The following SNX1 variants were observed in gnomAD, a reference collection of about 807,000 sequenced individuals.
SNX1 encodes sorting nexin 1.
Under a neutral mutation model 71.8 loss-of-function variants are expected in SNX1, and 36 were observed. That is an observed-to-expected ratio of 0.50 (90% confidence interval 0.38 to 0.66). The LOEUF (loss-of-function observed/expected upper bound fraction) is 0.66. Among genes scored for constraint, SNX1 ranks in the 30% least tolerant of loss-of-function variants. The pLI, the probability that SNX1 is intolerant of heterozygous loss-of-function variation, is 0.00. For synonymous variants in SNX1, 254 were observed against 240.7 expected (o/e 1.06, Z -0.51); for missense variants, 612 against 646.7 (o/e 0.95, Z 0.58).
chr15:64,128,792 C>G (rs2081278355), intron 8 of SNX1, among the ~76,000 whole-genome samples: 1 of 152,130 alleles, frequency 6.6e-6, no homozygotes, highest in African/African-American at 2.4e-5. Context: ...TCAGATAGTT[C>G]TTTGTTGTAG....
intron 11 of SNX1, 63 bp downstream of exon 11, chr15:64,131,955 C>T (rs73448948): frequency 1.9e-6 from 3 of 1,554,090 alleles, no homozygotes; most frequent in African/African-American, 2.7e-5. Flanking sequence ...TTTGCTGGTC[C>T]CCTTCCCAAG....
In SNX1 at chr15:64,124,147, C is replaced by CATATGTATATATAT. The variant is rs1222104314; in HGVS notation, c.510+605_510+606insGTATATATATATAT. On this transcript the variant is annotated intron_variant, in intron 5 of 14. Coordinates refer to ENST00000559844, the MANE Select transcript of SNX1 (RefSeq NM_003099.5). ...TCATTTCCTTTATAAGAAATCTTTA[C>CATATGTATATATAT]ATATATATATATATATATATATATA... Among the ~76,000 whole-genome samples, 159 of 105,410 alleles carry CATATGTATATATAT rather than the reference C, an allele frequency of 1.5e-3. 1 individual carries two copies. The highest frequency in any genetic ancestry group is 2.0e-3 in the Non-Finnish European group (120 of 60,500). The allele number at this position is 105,410 out of a possible 152,430, so 69.2% of individuals were successfully genotyped here.
rs1001969546 is a variant in SNX1, at chr15:64,141,422, G to T, written c.*3804G>T. On this transcript the variant is annotated 3_prime_UTR_variant, in exon 15 of 15. Coordinates refer to ENST00000559844, the MANE Select transcript of SNX1 (RefSeq NM_003099.5). This position sits in a 1 kb window ranked among gnomAD's most constrained non-coding sequence, Gnocchi z 5.1. ...CAAGTAGGCCAGTAGTGGGTTAGGG[G>T]TACTGAGCCAGAAGCCTCTACAAGG... 1.3e-5 allele frequency: 2 copies of T among 152,270 alleles called. No individual in the cohort carries two copies. The highest frequency in any genetic ancestry group is 4.8e-5 in the African/African-American group (2 of 41,456). 9.4% of individuals were successfully genotyped at this position (152,270 alleles called of 1,614,324 possible). A position where few individuals can be genotyped will look rare whatever the true frequency, so the allele number is the denominator to read the frequency against.
Position 64,129,953 on chromosome 15 carries a change from C to G in SNX1, c.845C>G (p.Ala282Gly). The G allele has an allele frequency of 6.2e-7, 1 of 1,614,112 alleles. No homozygotes were observed. Among genetic ancestry groups the G allele is most frequent in the Non-Finnish European group, 8.5e-7 (1 of 1,180,014 alleles). Residue 282 changes from alanine (A) to glycine (G), a missense_variant, in exon 9 of 15, where the codon GCT becomes GGT. Coordinates refer to ENST00000559844, the MANE Select transcript of SNX1 (RefSeq NM_003099.5). The surrounding 1 kb of genome is among the most constrained non-coding windows in gnomAD (Gnocchi z 4.4). ...RAVGTQTLSG[A>G]GLLKMFNKAT... is the part of the protein sequence containing the mutation. The stretch of plus-strand genomic sequence containing the variant: ...GTGGGTACCCAGACATTGAGTGGTG[C>G]TGGTCTCCTCAAGATGTTCAACAAA...
rs2080896807 is a variant in SNX1, at chr15:64,096,113, C to A, written c.100C>A (p.Pro34Thr). The A allele has an allele frequency of 6.4e-7, 1 of 1,561,238 alleles. No individual in the cohort carries two copies. Among genetic ancestry groups the A allele is most frequent in the South Asian group, 1.2e-5 (1 of 84,968 alleles). Residue 34 changes from proline to threonine, a missense_variant, in exon 1 of 15, where the codon CCC becomes ACC. Transcript: ENST00000559844. Reference sequence around the variant, plus strand: ...CGAGGGGGCGGCCGGGGGATCAGAACCCGAGGCTGGGGACAGCGACACCGA... The same window carrying A: ...CGAGGGGGCGGCCGGGGGATCAGAAACCGAGGCTGGGGACAGCGACACCGA... ...ESEGAAGGSE[P>T]EAGDSDTEGE...
intron 1 of SNX1, among the ~76,000 whole-genome samples, chr15:64,102,156 T>A (rs149821709): frequency 8.5e-5 from 13 of 152,372 alleles, no homozygotes; most frequent in African/African-American, 3.1e-4. Flanking sequence ...TGAATTTTAT[T>A]ATTTTTTGAC....
Position 64,129,941 on chromosome 15 carries a change from C to T in SNX1, c.833C>T (p.Thr278Ile), listed in dbSNP as rs376805248. Residue 278 changes from threonine to isoleucine, a missense_variant, in exon 9 of 15, where the codon ACA becomes ATA. Physicochemically the swap from Thr to Ile is moderately conservative, Grantham distance 89 (BLOSUM62 -1). Around this residue, in one of 2 missense-constraint regions of SNX1, gnomAD observed 296 missense variants for 361.9 expected, o/e 0.82. Coordinates refer to ENST00000559844, the MANE Select transcript of SNX1 (RefSeq NM_003099.5). The surrounding 1 kb of genome is among the most constrained non-coding windows in gnomAD (Gnocchi z 4.4). ...CTGCCACGTGCCGTGGGTACCCAGA[C>T]ATTGAGTGGTGCTGGTCTCCTCAAG... ...EELPRAVGTQ[T>I]LSGAGLLKMF... 1.2e-6 allele frequency: 2 copies of T among 1,614,094 alleles called. No individual in the cohort carries two copies. Among genetic ancestry groups the T allele is most frequent in the Admixed American group, 1.7e-5 (1 of 60,018 alleles).
chr15:64,140,785 A>G lies in SNX1; in HGVS notation c.*3167A>G, dbSNP rs2081404646. On this transcript the variant is annotated 3_prime_UTR_variant, in exon 15 of 15. Transcript: ENST00000559844. The stretch of plus-strand genomic sequence containing the variant: ...TTTTGGTAGAAATGGGGGTTTTACC[A>G]TGTTGGGGAGGCTGGTCTCGAACTC... 1 of 152,232 alleles carries G rather than the reference A, an allele frequency of 6.6e-6. No homozygotes were observed. Among genetic ancestry groups the G allele is most frequent in the African/African-American group, 2.4e-5 (1 of 41,520 alleles). The allele number at this position is 152,232 out of a possible 1,614,324, so 9.4% of individuals were successfully genotyped here.
chr15:64,116,291 G>A (rs2081128214), intron 2 of SNX1, among the ~76,000 whole-genome samples: 1 of 152,212 alleles, frequency 6.6e-6, no homozygotes, highest in South Asian at 2.1e-4. Flanking sequence ...CTAAGGCAGA[G>A]GAGGGGTTGG....
At chr15:64,136,555 T>C in intron 13 of SNX1, 145 bp downstream of exon 13, 1 of 716,274 alleles carries the variant, frequency 1.4e-6, no homozygotes, top group Non-Finnish European at 2.5e-6. Context: ...TTTGGGGGGG[T>C]GTGTGCTTGA....
At chr15:64,108,700 CA>C (rs891879532) in intron 1 of SNX1, among the ~76,000 whole-genome samples, 1 of 152,020 alleles carries the variant, frequency 6.6e-6, no homozygotes, top group African/African-American at 2.4e-5. Context: ...AATAAAATAT[CA>C]AAAGAGTTGG....
At chr15:64,127,118 G>A in intron 6 of SNX1, 56 bp from the exon 7 acceptor site, 1 of 1,336,230 alleles carries the variant, frequency 7.5e-7, no homozygotes, top group Non-Finnish European at 1.1e-6. Flanking sequence ...AAAAAAAAAA[G>A]ATTTATCCTC....
At chr15:64,109,510 G>C (rs2081056901) in intron 1 of SNX1, among the ~76,000 whole-genome samples, 2 of 151,786 alleles carry the variant, frequency 1.3e-5, no homozygotes, top group African/African-American at 4.9e-5. Context: ...GTTTTGTTTT[G>C]TTTTGTTTTG....
intron 1 of SNX1, among the ~76,000 whole-genome samples, 182 bp downstream of exon 1, chr15:64,096,354 G>A (rs577950713): frequency 9.9e-5 from 15 of 152,190 alleles, no homozygotes; most frequent in Non-Finnish European, 1.9e-4. Context: ...CCGGCCCCCA[G>A]GCGGGAAGAG....
intron 1 of SNX1, among the ~76,000 whole-genome samples, chr15:64,107,462 G>C (rs2081033917): frequency 6.6e-6 from 1 of 152,190 alleles, no homozygotes; most frequent in Non-Finnish European, 1.5e-5. Context: ...GCCTGTTTCT[G>C]TCCTTCTCTG....
At chr15:64,127,059 C>T in intron 6 of SNX1, 115 bp from the exon 7 acceptor site, 1 of 751,150 alleles carries the variant, frequency 1.3e-6, no homozygotes, top group Non-Finnish European at 2.3e-6. Context: ...ATAGAAGTGG[C>T]CTTAGGCTGT....
intron 1 of SNX1, among the ~76,000 whole-genome samples, chr15:64,112,192 G>A (rs1286292844): frequency 1.3e-5 from 2 of 152,148 alleles, no homozygotes; most frequent in African/African-American, 2.4e-5. Context: ...CTTGAGTTCT[G>A]GACTCCAGTG....
chr15:64,135,351 C>G lies in SNX1; in HGVS notation c.1365+544C>G, dbSNP rs190980634. Among the ~76,000 whole-genome samples, 361 of 150,914 alleles carry G rather than the reference C, an allele frequency of 2.4e-3. 2 individuals carry two copies. The highest frequency in any genetic ancestry group is 8.6e-3 in the African/African-American group (352 of 41,154). On this transcript the variant is annotated intron_variant, in intron 12 of 14. Transcript: ENST00000559844. ...TCCTGACCTTGTGATCCACCTGCCT[C>G]GGCCTCCCAAAGTGCTGGGATTACA...
chr15:64,136,476 G>A (rs1471935474), intron 13 of SNX1, 66 bp downstream of exon 13: 1 of 1,358,538 alleles, frequency 7.4e-7, no homozygotes, highest in Admixed American at 1.7e-5. Flanking sequence ...TCTTGGTGTT[G>A]TCCAACTCTG....
Sources: gnomAD v4.1 joint callset for allele counts (sites outside exome capture counted in the v4.1 genomes callset) on GRCh38, gnomAD v4.1.1 for gene constraint, gnomAD v4.1.1 regional missense constraint, Gnocchi (gnomAD v3.1) non-coding constraint, MANE v1.5 for transcripts, NCBI Gene and HGNC (gene_info 2026-07-23, HGNC 2026-07-21) for gene names.